Variants in SH3BP2 observed in about 807,000 individuals in gnomAD.
SH3BP2 encodes the protein SH3 domain-binding protein 2.
In SH3BP2, 38 loss-of-function variants were observed where a neutral mutation model predicts 56.2. The ratio of observed to expected loss-of-function variants is 0.68; its 90% CI spans 0.52 to 0.89. SH3BP2 has a LOEUF of 0.89. Ranked by LOEUF, SH3BP2 falls within the 40% of genes least tolerant of loss-of-function variation. SH3BP2 has a pLI of 0.00. For synonymous variants in SH3BP2, 346 were observed against 316.7 expected (o/e 1.09, Z -0.98); for missense variants, 748 against 762.6 (o/e 0.98, Z 0.23).
chr4:2,831,589 G>A lies in SH3BP2; in HGVS notation c.1260G>A (p.Gly420=), dbSNP rs1288824060. 2 of 1,594,348 alleles carry A rather than the reference G, an allele frequency of 1.3e-6. No homozygotes were observed. The highest frequency in any genetic ancestry group is 1.7e-6 in the Non-Finnish European group (2 of 1,169,778). ...LPHLQRSPPD[G]QSFRSFSFEK... Reference sequence around the variant, plus strand: ...CCTCCAGGCGATCACCCCCCGATGGGCAGAGTTTCAGGAGCTTCTCCTTTG... The same window carrying A: ...CCTCCAGGCGATCACCCCCCGATGGACAGAGTTTCAGGAGCTTCTCCTTTG... Residue 420 remains glycine (G), a synonymous_variant, in exon 9 of 13, where the codon GGG becomes GGA. Transcript: ENST00000503393. This position sits in a 1 kb window ranked among gnomAD's most constrained non-coding sequence, Gnocchi z 4.1.
rs761275790 is a variant in SH3BP2, at chr4:2,825,188, G to C, written c.420G>C (p.Leu140Phe). 1.9e-6 allele frequency: 3 copies of C among 1,579,912 alleles called. No homozygotes were observed. In the African/African-American group the frequency reaches 4.1e-5, roughly 21 times the overall value. ...TCCACGAAAAGAAAGACCTGCCCTT[G>C]GACACCAGGTGAGCCCGGGCCCAGG... ...GHFHEKKDLP[L>F]DTSDSSSDTD... The change falls in exon 5 of 13, where the codon TTG (leucine) becomes TTC (phenylalanine). Residue 140 changes from leucine (L) to phenylalanine (F), a missense_variant. This residue lies in a region of SH3BP2 where 635 missense variants were observed against 615.0 expected (regional missense o/e 1.03). Transcript: ENST00000503393.
At chr4:2,805,624 C>T (rs1003068168) in intron 1 of SH3BP2, among the ~76,000 whole-genome samples, 4 of 152,158 alleles carry the variant, frequency 2.6e-5, no homozygotes, top group Non-Finnish European at 5.9e-5. Flanking sequence ...GAACTGGTGT[C>T]AGGGGAGGGG....
chr4:2,823,048 G>C lies in SH3BP2; in HGVS notation c.239+11G>C. Reference sequence around the variant, plus strand: ...GAGTGGCTATAACCGGTAAGTGCCCGACCTGCCTGCTGACCTCGGGCCCCC... The same window carrying C: ...GAGTGGCTATAACCGGTAAGTGCCCCACCTGCCTGCTGACCTCGGGCCCCC... On this transcript the variant is annotated intron_variant, in intron 3 of 12. Coordinates refer to ENST00000503393, the MANE Select transcript of SH3BP2 (RefSeq NM_001122681.2). 1 of 1,600,680 alleles carries C rather than the reference G, an allele frequency of 6.2e-7. No homozygotes were observed. Among genetic ancestry groups the C allele is most frequent in the Non-Finnish European group, 8.6e-7 (1 of 1,168,794 alleles).
chr4:2,795,957 G>C (rs372912326), intron 1 of SH3BP2, among the ~76,000 whole-genome samples: 4 of 152,288 alleles, frequency 2.6e-5, no homozygotes, highest in Admixed American at 6.5e-5. Context: ...AGTCCCAGAG[G>C]GGGTGGTAGG....
chr4:2,831,135 A>G lies in SH3BP2; in HGVS notation c.1242-436A>G, dbSNP rs1175641467. On this transcript the variant is annotated intron_variant, in intron 8 of 12. Transcript: ENST00000503393. This position sits in a 1 kb window ranked among gnomAD's most constrained non-coding sequence, Gnocchi z 4.1. Reference sequence around the variant, plus strand: ...GAGGCTTTGCTGAGCAGGACCGGCTAGCCACACAGGGAGGCGTGCAGGGAC... The same window carrying G: ...GAGGCTTTGCTGAGCAGGACCGGCTGGCCACACAGGGAGGCGTGCAGGGAC... 1.3e-5 allele frequency among the ~76,000 whole-genome samples: 2 copies of G among 152,208 alleles called. No individual in the cohort carries two copies. Among genetic ancestry groups the G allele is most frequent in the Non-Finnish European group, 2.9e-5 (2 of 68,036 alleles).
At position 2,832,924 on chromosome 4, in the gene SH3BP2, A is replaced by G. The variant is rs371021724; in HGVS notation, c.1489-66A>G. 9.2e-4 allele frequency: 1,387 copies of G among 1,506,654 alleles called. 4 individuals are homozygous for G. The African/African-American group carries it at 0.011, about 12-fold the overall frequency. The allele number at this position is 1,506,654 out of a possible 1,614,324, so 93.3% of individuals were successfully genotyped here. On this transcript the variant is annotated intron_variant, in intron 11 of 12. Transcript: ENST00000503393. ...GGTTCTGCCCCCCTATCCCCAGCCC[A>G]TGGTCTCCCGAGGCTGGTCCCGCTG...
intron 1 of SH3BP2, among the ~76,000 whole-genome samples, chr4:2,796,120 G>A (rs1240534156): frequency 6.6e-6 from 1 of 152,188 alleles, no homozygotes; most frequent in Non-Finnish European, 1.5e-5. Flanking sequence ...CCTTGTAGGC[G>A]AATTGCACTT....
At chr4:2,795,979 G>T (rs899301444) in intron 1 of SH3BP2, among the ~76,000 whole-genome samples, 1 of 152,170 alleles carries the variant, frequency 6.6e-6, no homozygotes, top group Non-Finnish European at 1.5e-5. Flanking sequence ...AGCATTTCAG[G>T]CTCACTGGCT....
chr4:2,802,158 G>A (rs1723307143), intron 1 of SH3BP2, among the ~76,000 whole-genome samples: 1 of 152,120 alleles, frequency 6.6e-6, no homozygotes, highest in Admixed American at 6.6e-5. Context: ...CAGCACTTTG[G>A]GAGGCCGAGG....
At chr4:2,804,222 G>T (rs1723439137) in intron 1 of SH3BP2, among the ~76,000 whole-genome samples, 1 of 152,202 alleles carries the variant, frequency 6.6e-6, no homozygotes, top group Non-Finnish European at 1.5e-5. Context: ...CCTCATCCGA[G>T]TCTCTGCGGA....
At chr4:2,795,729 G>A (rs564549320) in intron 1 of SH3BP2, among the ~76,000 whole-genome samples, 24 of 152,300 alleles carry the variant, frequency 1.6e-4, no homozygotes, top group Admixed American at 9.1e-4. Flanking sequence ...AAAGGCGGGC[G>A]GTAGGGAGGG....
chr4:2,826,683 C>CGCG (rs1306360216), intron 5 of SH3BP2: 1 of 330,876 alleles, frequency 3.0e-6, no homozygotes, highest in African/African-American at 2.5e-5. Context: ...TGTGCATGTC[C>CGCG]TCATGTTGCT....
chr4:2,838,127 C>T lies in SH3BP2; in HGVS notation c.*4293C>T, dbSNP rs1725298183. On this transcript the variant is annotated 3_prime_UTR_variant, in exon 13 of 13. Transcript: ENST00000503393. Reference sequence around the variant, plus strand: ...GAATCCCTTTTTCATTCATTTCCTGCAGAATAAAACAACATACAGAAAAGT... The same window carrying T: ...GAATCCCTTTTTCATTCATTTCCTGTAGAATAAAACAACATACAGAAAAGT... 1 of 152,194 alleles carries T rather than the reference C, an allele frequency of 6.6e-6. No homozygotes were observed. Among genetic ancestry groups the T allele is most frequent in the African/African-American group, 2.4e-5 (1 of 41,430 alleles). The allele number at this position is 152,194 out of a possible 1,614,324, so 9.4% of individuals were successfully genotyped here.
chr4:2,819,691 G>T (rs1434253134), intron 1 of SH3BP2, among the ~76,000 whole-genome samples: 3 of 151,044 alleles, frequency 2.0e-5, no homozygotes, highest in Non-Finnish European at 4.4e-5. Context: ...GAAGATGCTG[G>T]ATTTAAGTGG....
intron 7 of SH3BP2, 36 bp downstream of exon 7, chr4:2,827,710 G>A: frequency 6.7e-7 from 1 of 1,484,632 alleles, no homozygotes; most frequent in Admixed American, 1.9e-5. Flanking sequence ...AGCTCTGGGT[G>A]TGTAGGAAGC....
chr4:2,819,472 G>A (rs1304947971), intron 1 of SH3BP2, among the ~76,000 whole-genome samples: 2 of 152,154 alleles, frequency 1.3e-5, no homozygotes, highest in African/African-American at 4.8e-5. Context: ...TGGGGTTGGA[G>A]CTGTAGTGGA....
chr4:2,806,995 C>T (rs762265136), intron 1 of SH3BP2, among the ~76,000 whole-genome samples: 8 of 152,374 alleles, frequency 5.3e-5, no homozygotes, highest in East Asian at 1.9e-4. Flanking sequence ...TCCCTTTGTC[C>T]GTTGCACACA....
intron 1 of SH3BP2, among the ~76,000 whole-genome samples, chr4:2,796,859 C>A (rs574638885): frequency 6.6e-6 from 1 of 152,176 alleles, no homozygotes; most frequent in Non-Finnish European, 1.5e-5. Flanking sequence ...GCTGAGGCCG[C>A]GAGGCAGGGG....
At chr4:2,828,488 G>T (rs2282771) in intron 7 of SH3BP2, among the ~76,000 whole-genome samples, 1 of 151,982 alleles carries the variant, frequency 6.6e-6, no homozygotes, top group African/African-American at 2.4e-5. Context: ...TTCAGCCCAC[G>T]AGGGTCTGCG....
Sources: allele counts gnomAD v4.1 joint callset (sites outside exome capture counted in the v4.1 genomes callset), GRCh38; gene constraint gnomAD v4.1.1; regional missense constraint gnomAD v4.1.1; non-coding constraint Gnocchi (gnomAD v3.1); transcripts MANE v1.5; gene names NCBI Gene and HGNC (gene_info 2026-07-23, HGNC 2026-07-21).